Variants in RPH3AL observed in about 807,000 individuals in gnomAD.
RPH3AL encodes rabphilin 3A like (without C2 domains).
RPH3AL carries 38 observed loss-of-function variants against 43.1 expected under a neutral mutation model. That is an observed-to-expected ratio of 0.88 (90% confidence interval 0.68 to 1.15). RPH3AL has a LOEUF of 1.15. Among genes scored for constraint, RPH3AL ranks in the 50% most tolerant of loss-of-function variants. The probability of loss-of-function intolerance (pLI) is 0.00; values close to 1 mark genes in which losing one functional copy is unlikely to be tolerated. For synonymous variants in RPH3AL, 189 were observed against 176.3 expected, an observed-to-expected ratio of 1.07 and a Z score of -0.57; for missense variants, 462 against 423.2, an observed-to-expected ratio of 1.09 and a Z score of -0.81.
At chr17:351,803 G>GA (rs1368861561) in intron 1 of RPH3AL, among the ~76,000 whole-genome samples, 4 of 151,684 alleles carry the variant, frequency 2.6e-5, no homozygotes, top group South Asian at 2.1e-4. Flanking sequence ...GAAGGCAGAT[G>GA]AAAAAAAACA....
chr17:231,078 A>C (rs1043749557), intron 7 of RPH3AL, among the ~76,000 whole-genome samples: 16 of 152,072 alleles, frequency 1.1e-4, no homozygotes, highest in Admixed American at 3.9e-4. Context: ...AGAGCCTTCT[A>C]GAGTGTTTCT....
chr17:280,337 G>A (rs1180065126), intron 6 of RPH3AL, among the ~76,000 whole-genome samples: 1 of 152,136 alleles, frequency 6.6e-6, no homozygotes, highest in Non-Finnish European at 1.5e-5. Context: ...GCAGGGACCT[G>A]CCCCGGGACT....
Position 247,116 on chromosome 17 carries a change from C to T in RPH3AL, c.608G>A (p.Gly203Glu), listed in dbSNP as rs749707742. 1 of 1,614,142 alleles carries T rather than the reference C, an allele frequency of 6.2e-7. No individual in the cohort carries two copies. The highest frequency in any genetic ancestry group is 2.2e-5 in the East Asian group (1 of 44,872). Reference protein sequence around the residue: ...ETSRIYTWARGRVVSSDSDSD... With the variant: ...ETSRIYTWARERVVSSDSDSD... ...GAGAGGCAGAGGGGACTTACCTCTT[C>T]CTCGGGCCCACGTGTAGATGCGGCT... Residue 203 changes from glycine (G) to glutamate (E), a missense_variant, in exon 7 of 10, where the codon GGA (glycine) becomes GAA (glutamate). By Grantham distance (98) the Gly-to-Glu change is moderately conservative. Transcript: ENST00000331302.
intron 7 of RPH3AL, chr17:234,277 G>A (rs563726994): frequency 2.2e-5 from 3 of 136,994 alleles, no homozygotes; most frequent in African/African-American, 6.9e-5. Context: ...AGCAGGGAGC[G>A]GCTACTTACC....
intron 6 of RPH3AL, among the ~76,000 whole-genome samples, chr17:253,537 T>C (rs1181735832): frequency 6.6e-6 from 1 of 152,140 alleles, no homozygotes; most frequent in Admixed American, 6.5e-5. Flanking sequence ...TGTATTAAAG[T>C]ATTCATAACA....
chr17:319,380 G>A (rs372642059), intron 5 of RPH3AL, 40 bp downstream of exon 5: 14 of 1,602,544 alleles, frequency 8.7e-6, no homozygotes, highest in African/African-American at 2.7e-5. Context: ...GCTGGTCCAG[G>A]CTGGGAAGCC....
At chr17:326,332 C>T (rs2044619716) in intron 3 of RPH3AL, among the ~76,000 whole-genome samples, 1 of 152,252 alleles carries the variant, frequency 6.6e-6, no homozygotes, top group African/African-American at 2.4e-5. Context: ...CCTGCAGGCT[C>T]ATAACATCTA....
At chr17:265,933 C>T (rs1047827035) in intron 6 of RPH3AL, among the ~76,000 whole-genome samples, 6 of 152,198 alleles carry the variant, frequency 3.9e-5, no homozygotes, top group African/African-American at 4.8e-5. Context: ...GGTGAGTCTC[C>T]GCTCACGGCG....
chr17:235,323 C>G (rs71372179), intron 7 of RPH3AL, among the ~76,000 whole-genome samples: 1,641 of 85,316 alleles, frequency 0.019, 1 homozygote, highest in Middle Eastern at 0.052. Context: ...TGGGGTCGGC[C>G]GAGGCTCTGC....
In RPH3AL at chr17:243,179, CCCTTCCTCTATTGATTA is replaced by C. The variant is rs2041621838; in HGVS notation, c.613+3915_613+3931del. On this transcript the variant is annotated intron_variant, in intron 7 of 9. Transcript: ENST00000331302. Reference sequence around the variant, plus strand: ...ATTGATTACCTTCCTCTATTGATTACCCTTCCTCTATTGATTACCTTCCTCTATTGACTACCTTCCTC... The same window carrying C: ...ATTGATTACCTTCCTCTATTGATTACCCTTCCTCTATTGACTACCTTCCTC... Among the ~76,000 whole-genome samples, 5 of 81,982 alleles carry C rather than the reference CCCTTCCTCTATTGATTA, an allele frequency of 6.1e-5. No homozygotes were observed. The South Asian group carries it at 3.0e-3, about 49-fold the overall frequency. 53.8% of individuals were successfully genotyped at this position (81,982 alleles called of 152,430 possible).
rs904052558 is a variant in RPH3AL, at chr17:333,155, A to G, written c.-37+604T>C. On this transcript the variant is annotated intron_variant, in intron 2 of 9. Coordinates refer to ENST00000331302, the MANE Select transcript of RPH3AL (RefSeq NM_006987.4). This position sits in a 1 kb window ranked among gnomAD's most constrained non-coding sequence, Gnocchi z 4.5. ...ACAGAGACGGCCATTAGAGCTCACC[A>G]CCCCGGGCGTTCGTCACTGCAGACA... 1 of 1,196,658 alleles carries G rather than the reference A, an allele frequency of 8.4e-7. No homozygotes were observed. Among genetic ancestry groups the G allele is most frequent in the African/African-American group, 1.6e-5 (1 of 61,718 alleles). 74.1% of individuals were successfully genotyped at this position (1,196,658 alleles called of 1,614,324 possible).
chr17:265,769 A>G (rs1437614325), intron 6 of RPH3AL, among the ~76,000 whole-genome samples: 1 of 152,272 alleles, frequency 6.6e-6, no homozygotes, highest in Non-Finnish European at 1.5e-5. Flanking sequence ...GTACAGTTCT[A>G]AGATTGAGCT....
intron 3 of RPH3AL, among the ~76,000 whole-genome samples, chr17:324,121 C>T (rs1476393075): frequency 5.3e-5 from 8 of 152,186 alleles, no homozygotes; most frequent in Non-Finnish European, 1.0e-4. Flanking sequence ...AAACGAGGTG[C>T]GGAACGTAGC....
chr17:337,152 G>A (rs776011303), intron 1 of RPH3AL, among the ~76,000 whole-genome samples: 35 of 151,614 alleles, frequency 2.3e-4, no homozygotes, highest in Non-Finnish European at 3.1e-4. Flanking sequence ...GTCTTGCTCC[G>A]TTGCCCAGGC....
intron 7 of RPH3AL, among the ~76,000 whole-genome samples, chr17:223,486 G>C (rs1211052849): frequency 1.3e-5 from 2 of 152,140 alleles, no homozygotes; most frequent in Non-Finnish European, 2.9e-5. Context: ...CACTTTGCTG[G>C]GCCCTTAGTG....
chr17:327,477 G>C lies in RPH3AL; in HGVS notation c.67C>G (p.Leu23Val). The C allele has an allele frequency of 1.2e-6, 2 of 1,613,922 alleles. No individual in the cohort carries two copies. The highest frequency in any genetic ancestry group is 1.7e-6 in the Non-Finnish European group (2 of 1,179,952). Residue 23 changes from leucine (L) to valine (V), a missense_variant, in exon 3 of 10, where the codon CTT becomes GTT. Leu to Val is a conservative substitution (Grantham distance 32). Coordinates refer to ENST00000331302, the MANE Select transcript of RPH3AL (RefSeq NM_006987.4). ...CCCAGAGGTACTCACTTGGCTCGAA[G>C]GGCAAGCTGCCGGTCATTGGGGCAA... ...WVCPNDRQLA[L>V]RAKLQTGWSV...
In RPH3AL at chr17:327,429, A is replaced by G. The variant is rs1567526613; in HGVS notation, c.77+38T>C. On this transcript the variant is annotated intron_variant, in intron 3 of 9. Coordinates refer to ENST00000331302, the MANE Select transcript of RPH3AL (RefSeq NM_006987.4). The stretch of plus-strand genomic sequence containing the variant: ...AGACAGGAGAGGAGCAGGGAGGCAG[A>G]AGGAAGGGACGGCCTGGGGGGCCCC... The G allele has an allele frequency of 2.5e-6, 4 of 1,571,464 alleles. No homozygotes were observed. In the African/African-American group the frequency reaches 4.0e-5, roughly 16 times the overall value.
At chr17:260,095 T>G (rs1377900703) in intron 6 of RPH3AL, among the ~76,000 whole-genome samples, 1 of 152,158 alleles carries the variant, frequency 6.6e-6, no homozygotes, top group Non-Finnish European at 1.5e-5. Context: ...GCTTGAGCTC[T>G]TCACTGGCCC....
In RPH3AL at chr17:281,960, G is replaced by A. The variant is rs555129143; in HGVS notation, c.352-106C>T. 1.0e-4 allele frequency: 85 copies of A among 827,440 alleles called. 1 individual carries two copies. Among genetic ancestry groups the A allele is most frequent in the South Asian group, 9.3e-4 (65 of 69,540 alleles). 51.3% of individuals were successfully genotyped at this position (827,440 alleles called of 1,614,324 possible). On this transcript the variant is annotated intron_variant, in intron 5 of 9. Coordinates refer to ENST00000331302, the MANE Select transcript of RPH3AL (RefSeq NM_006987.4). ...GGACACTTAGCATCTTCCAAGGAGCGTCTCTTGCTTCAGGATAGAAGGAAT... is the reference window on the plus strand; with the variant it reads ...GGACACTTAGCATCTTCCAAGGAGCATCTCTTGCTTCAGGATAGAAGGAAT...
Sources: allele counts gnomAD v4.1 joint callset (sites outside exome capture counted in the v4.1 genomes callset), GRCh38; gene constraint gnomAD v4.1.1; non-coding constraint Gnocchi (gnomAD v3.1); transcripts MANE v1.5; gene names NCBI Gene and HGNC (gene_info 2026-07-23, HGNC 2026-07-21).